Variants in TRPV4 observed in about 807,000 individuals in gnomAD.
TRPV4 encodes transient receptor potential cation channel subfamily V member 4.
Under a neutral mutation model 84.1 loss-of-function variants are expected in TRPV4, and 58 were observed. The observed-to-expected ratio is 0.69, with a 90% CI of 0.56 to 0.86. The LOEUF is 0.86. Ranked by LOEUF, TRPV4 falls within the 40% of genes least tolerant of loss-of-function variation. TRPV4 has a pLI of 0.00. For missense variants in TRPV4, 879 were observed against 1,181.1 expected (o/e 0.74, Z 3.75); for synonymous variants, 489 against 500.9 (o/e 0.98, Z 0.32).
chr12:109,788,278 T>A, intron 13 of TRPV4, 122 bp downstream of exon 13: 2 of 946,790 alleles, frequency 2.1e-6, no homozygotes, highest in Middle Eastern at 3.2e-4. Context: ...GACAGAGAAG[T>A]GGAGGGAGAA....
chr12:109,805,087 T>A (rs1891035780), intron 3 of TRPV4, among the ~76,000 whole-genome samples: 1 of 152,236 alleles, frequency 6.6e-6, no homozygotes, highest in African/African-American at 2.4e-5. Flanking sequence ...CCTGTTACAG[T>A]TCATAACTGT....
At chr12:109,808,550 CTG>C (rs1891290452) in intron 2 of TRPV4, 82 bp from the exon 3 acceptor site, 6 of 1,444,796 alleles carry the variant, frequency 4.2e-6, no homozygotes, top group Non-Finnish European at 5.7e-6. Context: ...GACCCAGAGA[CTG>C]TGGTGGCGGG....
chr12:109,833,311 T>G (rs1892468147), intron 1 of TRPV4, 39 bp downstream of exon 1: 1 of 152,208 alleles, frequency 6.6e-6, no homozygotes, highest in African/African-American at 2.4e-5. Flanking sequence ...CGAGGGGACC[T>G]CGGCTGAGCC....
chr12:109,806,873 GAAA>G (rs533116934), intron 3 of TRPV4, among the ~76,000 whole-genome samples: 13 of 93,724 alleles, frequency 1.4e-4, no homozygotes, highest in African/African-American at 3.6e-4. Flanking sequence ...AAAAAAAAAA[GAAA>G]AAAAAAAAAA....
intron 1 of TRPV4, among the ~76,000 whole-genome samples, chr12:109,825,927 G>C (rs1206610924): frequency 6.6e-6 from 1 of 152,192 alleles, no homozygotes; most frequent in Non-Finnish European, 1.5e-5. Context: ...TGCTGCCTCA[G>C]GGGTTAACTG....
At chr12:109,794,299 C>A in intron 8 of TRPV4, 30 bp downstream of exon 8, 1 of 1,609,272 alleles carries the variant, frequency 6.2e-7, no homozygotes, top group African/African-American at 1.3e-5. Context: ...AGTGCCTGCC[C>A]CAGCCCCTGC....
At chr12:109,819,520 TCCTC>T (rs1892007789) in intron 1 of TRPV4, among the ~76,000 whole-genome samples, 1 of 152,192 alleles carries the variant, frequency 6.6e-6, no homozygotes, top group Admixed American at 6.5e-5. Context: ...ACTGTGAACA[TCCTC>T]ACACACTGAC....
Position 109,793,876 on chromosome 12 carries a change from A to G in TRPV4, c.1584+54T>C. Reference sequence around the variant, plus strand: ...AAAAAGAGGGAGAGAAAAGAGGTGCAGGAAGAGAAGAGGAGGGCAGGCAGG... The same window carrying G: ...AAAAAGAGGGAGAGAAAAGAGGTGCGGGAAGAGAAGAGGAGGGCAGGCAGG... On this transcript the variant is annotated intron_variant, in intron 9 of 15. Coordinates refer to ENST00000261740, the MANE Select transcript of TRPV4 (RefSeq NM_021625.5). The surrounding 1 kb of genome is among the most constrained non-coding windows in gnomAD (Gnocchi z 4.0). 7.9e-7 allele frequency: 1 copy of G among 1,270,706 alleles called. No individual in the cohort carries two copies. Among genetic ancestry groups the G allele is most frequent in the Non-Finnish European group, 1.1e-6 (1 of 884,224 alleles). 78.7% of individuals were successfully genotyped at this position (1,270,706 alleles called of 1,614,324 possible).
chr12:109,824,543 G>A (rs1288910560), intron 1 of TRPV4, among the ~76,000 whole-genome samples: 3 of 151,608 alleles, frequency 2.0e-5, no homozygotes, highest in Non-Finnish European at 2.9e-5. Context: ...ATCACTTGAG[G>A]TCAGAAGTTC....
intron 1 of TRPV4, among the ~76,000 whole-genome samples, chr12:109,824,051 C>T (rs1168562529): frequency 3.3e-5 from 5 of 151,922 alleles, no homozygotes; most frequent in Non-Finnish European, 7.4e-5. Flanking sequence ...CTGCAACCTC[C>T]GTCTCCCAGG....
chr12:109,820,562 C>T (rs1248216126), intron 1 of TRPV4, among the ~76,000 whole-genome samples: 2 of 127,782 alleles, frequency 1.6e-5, no homozygotes, highest in African/African-American at 3.1e-5. Flanking sequence ...CTCCCTCTGT[C>T]GCCTAGGCTG....
In TRPV4 at chr12:109,814,559, G is replaced by A. The variant is rs943850514; in HGVS notation, c.238C>T (p.Pro80Ser). ...KFQGAFRKGVPNPIDLLESTL... is the reference protein window; with the variant it reads ...KFQGAFRKGVSNPIDLLESTL... Reference sequence around the variant, plus strand: ...GACTCCAGCAGATCGATGGGGTTGGGCACCCCCTTGCGGAAGGCGCCCTGG... The same window carrying A: ...GACTCCAGCAGATCGATGGGGTTGGACACCCCCTTGCGGAAGGCGCCCTGG... The change falls in exon 2 of 16, where the codon CCC becomes TCC. Residue 80 changes from proline to serine, a missense_variant. By Grantham distance (74) the Pro-to-Ser change is moderately conservative. Around this residue, in one of 4 missense-constraint regions of TRPV4, gnomAD observed 521 missense variants for 686.6 expected, o/e 0.76. Transcript: ENST00000261740. The surrounding 1 kb of genome is among the most constrained non-coding windows in gnomAD (Gnocchi z 5.4). 6.2e-7 allele frequency: 1 copy of A among 1,614,108 alleles called. No individual in the cohort carries two copies. The highest frequency in any genetic ancestry group is 1.1e-5 in the South Asian group (1 of 91,074).
At chr12:109,813,255 C>CA (rs960515823) in intron 2 of TRPV4, among the ~76,000 whole-genome samples, 92 of 151,836 alleles carry the variant, frequency 6.1e-4, no homozygotes, top group African/African-American at 1.9e-3. Context: ...ACTAAAAATA[C>CA]AAAAAAAATT....
At position 109,814,584 on chromosome 12, in the gene TRPV4, G is replaced by C; in HGVS notation, c.213C>G (p.Phe71Leu). The change falls in exon 2 of 16, where the codon TTC (phenylalanine) becomes TTG (leucine). Residue 71 changes from phenylalanine to leucine, a missense_variant. Physicochemically the swap from Phe to Leu is conservative, Grantham distance 22. Coordinates refer to ENST00000261740, the MANE Select transcript of TRPV4 (RefSeq NM_021625.5). This position sits in a 1 kb window ranked among gnomAD's most constrained non-coding sequence, Gnocchi z 5.4. ...GCACCCCCTTGCGGAAGGCGCCCTG[G>C]AACTTCATGCGCAGATTTGGTCGCC... Reference protein sequence around the residue: ...GDGRPNLRMKFQGAFRKGVPN... With the variant: ...GDGRPNLRMKLQGAFRKGVPN... 1.2e-6 allele frequency: 2 copies of C among 1,614,094 alleles called. No homozygotes were observed. The highest frequency in any genetic ancestry group is 1.7e-6 in the Non-Finnish European group (2 of 1,180,000).
rs368606075 is a variant in TRPV4 at position 109,808,384 on chromosome 12, G to A, written c.471C>T (p.Ile157=). Residue 157 remains isoleucine, a synonymous_variant, in exon 3 of 16, where the codon ATC becomes ATT. Coordinates refer to ENST00000261740, the MANE Select transcript of TRPV4 (RefSeq NM_021625.5). The stretch of plus-strand genomic sequence containing the variant: ...GGTCAGCAGTGGAGCCCCGGGACAC[G>A]ATGTCAAAGAGGATAGGCCGGTTGA... ...KVFNRPILFD[I]VSRGSTADLD... is the part of the protein sequence containing the mutation. 9.9e-6 allele frequency: 16 copies of A among 1,614,100 alleles called. No individual in the cohort carries two copies. Among genetic ancestry groups the A allele is most frequent in the Admixed American group, 5.0e-5 (3 of 60,010 alleles).
intron 3 of TRPV4, 59 bp downstream of exon 3, chr12:109,808,237 G>T (rs1891263599): frequency 6.3e-7 from 1 of 1,599,980 alleles, no homozygotes; most frequent in Non-Finnish European, 8.5e-7. Flanking sequence ...GGCCCCCAAT[G>T]CCAGGCTTCC....
chr12:109,796,152 C>T lies in TRPV4; in HGVS notation c.1332+373G>A, dbSNP rs764173695. 6.6e-6 allele frequency among the ~76,000 whole-genome samples: 1 copy of T among 152,178 alleles called. No individual in the cohort carries two copies. The highest frequency in any genetic ancestry group is 1.5e-5 in the Non-Finnish European group (1 of 68,028). On this transcript the variant is annotated intron_variant, in intron 7 of 15. Coordinates refer to ENST00000261740, the MANE Select transcript of TRPV4 (RefSeq NM_021625.5). This position sits in a 1 kb window ranked among gnomAD's most constrained non-coding sequence, Gnocchi z 4.2. ...TGTGCCAAGCCATTCTAAAATTAAC[C>T]TCTTTGGTCCTCCCAAGAACCCCAT...
chr12:109,829,268 C>T (rs1183791406), intron 1 of TRPV4, among the ~76,000 whole-genome samples: 1 of 152,126 alleles, frequency 6.6e-6, no homozygotes, highest in Non-Finnish European at 1.5e-5. Context: ...CCACAACCTC[C>T]CAGCAAGGCA....
At chr12:109,791,548 T>C (rs952981265) in intron 12 of TRPV4, among the ~76,000 whole-genome samples, 1 of 143,112 alleles carries the variant, frequency 7.0e-6, no homozygotes, top group Non-Finnish European at 1.5e-5. Flanking sequence ...AGTGGTGCCA[T>C]CTTGGCTTAC....
Sources: allele counts gnomAD v4.1 joint callset (sites outside exome capture counted in the v4.1 genomes callset), GRCh38; gene constraint gnomAD v4.1.1; regional missense constraint gnomAD v4.1.1; non-coding constraint Gnocchi (gnomAD v3.1); transcripts MANE v1.5; gene names NCBI Gene and HGNC (gene_info 2026-07-23, HGNC 2026-07-21).